The following PTPN21 variants were observed in gnomAD, a reference collection of about 807,000 sequenced individuals.
The protein encoded by PTPN21 is tyrosine-protein phosphatase non-receptor type 21.
Under a neutral mutation model 131.8 loss-of-function variants are expected in PTPN21, and 77 were observed. The ratio of observed to expected loss-of-function variants is 0.58; its 90% CI spans 0.49 to 0.71. PTPN21 has a LOEUF of 0.71. Among genes scored for constraint, PTPN21 ranks in the 30% least tolerant of loss-of-function variants. The pLI is 0.00. For synonymous variants in PTPN21, 715 were observed against 621.3 expected, an observed-to-expected ratio of 1.15 and a Z score of -2.24; for missense variants, 1,552 against 1,527.1, an observed-to-expected ratio of 1.02 and a Z score of -0.27.
Position 88,517,257 on chromosome 14 carries a change from G to A in PTPN21, c.185C>T (p.Thr62Ile), listed in dbSNP as rs2078286841. 1 of 1,613,792 alleles carries A rather than the reference G, an allele frequency of 6.2e-7. No homozygotes were observed. Among genetic ancestry groups the A allele is most frequent in the African/African-American group, 1.3e-5 (1 of 74,906 alleles). Residue 62 changes from threonine to isoleucine, a missense_variant, in exon 3 of 19, where the codon ACT (threonine) becomes ATT (isoleucine). Thr to Ile is a moderately conservative substitution (Grantham distance 89, BLOSUM62 -1). This residue lies in a region of PTPN21 where 206 missense variants were observed against 221.6 expected (regional missense o/e 0.93). Transcript: ENST00000556564. The part of the protein sequence containing the change: ...VAQRLELREV[T>I]YFSLWYYNKQ... ...GTTGTAGTACCAGAGGCTGAAGTAA[G>A]TGACCTGGAAAGACAGAAGGTCATT... is the stretch of plus-strand genomic sequence containing the variant.
Position 88,479,504 on chromosome 14 carries a change from G to C in PTPN21, c.1927C>G (p.Leu643Val). ...HKRNSIEVAG[L>V]SHGLEGLRLK... Reference sequence around the variant, plus strand: ...CGCAGGCCCTCCAGGCCGTGGCTGAGCCCGGCCACCTCGATGCTGTTCCGT... The same window carrying C: ...CGCAGGCCCTCCAGGCCGTGGCTGACCCCGGCCACCTCGATGCTGTTCCGT... The change falls in exon 13 of 19, where the codon CTC becomes GTC. Residue 643 changes from leucine (L) to valine (V), a missense_variant. Physicochemically the swap from Leu to Val is conservative, Grantham distance 32. Coordinates refer to ENST00000556564, the MANE Select transcript of PTPN21 (RefSeq NM_007039.4). 6.2e-7 allele frequency: 1 copy of C among 1,601,164 alleles called. No individual in the cohort carries two copies. The highest frequency in any genetic ancestry group is 8.5e-7 in the Non-Finnish European group (1 of 1,179,224).
intron 2 of PTPN21, among the ~76,000 whole-genome samples, chr14:88,547,852 T>C (rs540826723): frequency 6.6e-6 from 1 of 152,284 alleles, no homozygotes; most frequent in Admixed American, 6.5e-5. Context: ...TGAACTCACT[T>C]AGGCTGATAC....
chr14:88,500,715 G>A, intron 8 of PTPN21, 68 bp downstream of exon 8: 1 of 1,073,200 alleles, frequency 9.3e-7, no homozygotes, highest in East Asian at 2.4e-5. Flanking sequence ...TTTAACTGCT[G>A]TAAGTACTAA....
At position 88,487,829 on chromosome 14, in the gene PTPN21, G is replaced by A. The variant is rs185364858; in HGVS notation, c.933-1987C>T. Among the ~76,000 whole-genome samples the A allele has an allele frequency of 4.6e-5, 7 of 152,128 alleles. No individual in the cohort carries two copies. In the East Asian group the frequency reaches 1.2e-3, roughly 25 times the overall value. On this transcript the variant is annotated intron_variant, in intron 10 of 18. Transcript: ENST00000556564. ...TAGTGCCCACAAATTAGCCAGGCGC[G>A]GTGGCAGGCGCCTGTAATCCCAGCT...
At chr14:88,547,638 G>C (rs188095631) in intron 2 of PTPN21, 52 of 455,756 alleles carry the variant, frequency 1.1e-4, no homozygotes, top group Admixed American at 9.6e-4. Flanking sequence ...GGGTGATGGA[G>C]TGAGACCTCA....
chr14:88,495,519 G>T (rs956905921), intron 10 of PTPN21, among the ~76,000 whole-genome samples: 1 of 152,190 alleles, frequency 6.6e-6, no homozygotes, highest in Non-Finnish European at 1.5e-5. Context: ...AATTAGTGGG[G>T]TGTGGTGGCG....
rs79084291 is a variant in PTPN21 at position 88,517,013 on chromosome 14, C to A, written c.350+79G>T. 361 of 1,509,228 alleles carry A rather than the reference C, an allele frequency of 2.4e-4. 6 individuals carry two copies. The East Asian group carries it at 7.3e-3, about 30-fold the overall frequency. The allele number at this position is 1,509,228 out of a possible 1,614,324, so 93.5% of individuals were successfully genotyped here. ...CGAGAGGGCAAAGTTTCAAACTTAT[C>A]TTCTGACTTCAACCTTAGTTTCACT... On this transcript the variant is annotated intron_variant, in intron 3 of 18. Coordinates refer to ENST00000556564, the MANE Select transcript of PTPN21 (RefSeq NM_007039.4).
chr14:88,479,603 T>C lies in PTPN21; in HGVS notation c.1828A>G (p.Ser610Gly), dbSNP rs2077609443. 1 of 1,586,436 alleles carries C rather than the reference T, an allele frequency of 6.3e-7. No individual in the cohort carries two copies. Among genetic ancestry groups the C allele is most frequent in the Non-Finnish European group, 8.5e-7 (1 of 1,172,302 alleles). ...TGCAGCGAGTGCGCCACGGGCAGGCTGTCCTCCTGGAACGTTTGCACCGAG... is the reference window on the plus strand; with the variant it reads ...TGCAGCGAGTGCGCCACGGGCAGGCCGTCCTCCTGGAACGTTTGCACCGAG... The part of the protein sequence containing the change: ...HHSVQTFQED[S>G]LPVAHSLQEV... Residue 610 changes from serine (S) to glycine (G), a missense_variant, in exon 13 of 19, where the codon AGC becomes GGC. Coordinates refer to ENST00000556564, the MANE Select transcript of PTPN21 (RefSeq NM_007039.4).
At chr14:88,535,440 T>C (rs1288476118) in intron 2 of PTPN21, among the ~76,000 whole-genome samples, 1 of 152,226 alleles carries the variant, frequency 6.6e-6, no homozygotes, top group Non-Finnish European at 1.5e-5. Context: ...GGCTCGGCCT[T>C]TGAGTCCTGA....
intron 13 of PTPN21, among the ~76,000 whole-genome samples, chr14:88,477,766 G>A (rs1276602000): frequency 6.6e-6 from 1 of 152,140 alleles, no homozygotes; most frequent in Admixed American, 6.5e-5. Context: ...AGGGCATGAG[G>A]AGTGGAGATG....
At chr14:88,531,729 A>C (rs2078558001) in intron 2 of PTPN21, among the ~76,000 whole-genome samples, 1 of 152,184 alleles carries the variant, frequency 6.6e-6, no homozygotes, top group South Asian at 2.1e-4. Flanking sequence ...AACAAGAACC[A>C]ACCAAACCCA....
rs138178345 is a variant in PTPN21 at position 88,522,657 on chromosome 14, C to A, written c.181-5396G>T. Among the ~76,000 whole-genome samples, 561 of 151,942 alleles carry A rather than the reference C, an allele frequency of 3.7e-3. 7 individuals carry two copies. The highest frequency in any genetic ancestry group is 0.013 in the African/African-American group (541 of 41,474). ...TATCTTAAGAAGTAGTGAAAGCTAG[C>A]CAAAAATCAAATTTATATCTTGTTA... On this transcript the variant is annotated intron_variant, in intron 2 of 18. Coordinates refer to ENST00000556564, the MANE Select transcript of PTPN21 (RefSeq NM_007039.4).
At chr14:88,488,281 T>C (rs887066609) in intron 10 of PTPN21, among the ~76,000 whole-genome samples, 1 of 152,148 alleles carries the variant, frequency 6.6e-6, no homozygotes. Flanking sequence ...CTTCAGCACA[T>C]GGGCGGCCCT....
chr14:88,468,404 G>T, intron 18 of PTPN21, 139 bp from the exon 19 acceptor site: 1 of 776,334 alleles, frequency 1.3e-6, no homozygotes, highest in Non-Finnish European at 2.0e-6. Context: ...CTAGAAATAA[G>T]CCATGATTGC....
intron 2 of PTPN21, among the ~76,000 whole-genome samples, chr14:88,521,654 G>T (rs1050773468): frequency 1.4e-5 from 2 of 145,632 alleles, no homozygotes; most frequent in Non-Finnish European, 3.0e-5. Context: ...TTCATGATCT[G>T]CCCGCCTCGG....
intron 2 of PTPN21, among the ~76,000 whole-genome samples, chr14:88,540,474 G>A (rs906606870): frequency 6.6e-6 from 1 of 152,188 alleles, no homozygotes; most frequent in Admixed American, 6.5e-5. Context: ...GTAGTCTGCA[G>A]GGATTTGAAC....
rs1172099704 is a variant in PTPN21, at chr14:88,518,226, C to CAAAAAAA, written c.181-972_181-966dup. Among the ~76,000 whole-genome samples the CAAAAAAA allele has an allele frequency of 2.7e-4, 3 of 11,070 alleles. 1 individual carries two copies. Among genetic ancestry groups the CAAAAAAA allele is most frequent in the East Asian group, 0.01 (2 of 198 alleles). The allele number at this position is 11,070 out of a possible 152,430, so 7.3% of individuals were successfully genotyped here. A position where few individuals can be genotyped will look rare whatever the true frequency, so the allele number is the denominator to read the frequency against. On this transcript the variant is annotated intron_variant, in intron 2 of 18. Coordinates refer to ENST00000556564, the MANE Select transcript of PTPN21 (RefSeq NM_007039.4). ...TGGGCAACAGAGTGAGAATCTACCT[C>CAAAAAAA]AAAAAAAAAAAAAAAAAAAAAAAAA...
At chr14:88,546,304 T>C (rs1169920997) in intron 2 of PTPN21, among the ~76,000 whole-genome samples, 6 of 151,166 alleles carry the variant, frequency 4.0e-5, no homozygotes, top group Admixed American at 1.3e-4. Context: ...ACTCCTGTAA[T>C]CCCAGCACTT....
chr14:88,526,367 G>T (rs940020952), intron 2 of PTPN21, among the ~76,000 whole-genome samples: 1 of 151,694 alleles, frequency 6.6e-6, no homozygotes, highest in Non-Finnish European at 1.5e-5. Context: ...GACCAACATG[G>T]TGAAACCCCA....
Sources: allele counts gnomAD v4.1 joint callset (sites outside exome capture counted in the v4.1 genomes callset), GRCh38; gene constraint gnomAD v4.1.1; regional missense constraint gnomAD v4.1.1; transcripts MANE v1.5; gene names NCBI Gene and HGNC (gene_info 2026-07-23, HGNC 2026-07-21).